GRIN2A: variants seen among roughly 807,000 people sequenced by gnomAD.
The protein encoded by GRIN2A is glutamate ionotropic receptor NMDA type subunit 2A, also known as glutamate receptor ionotropic, NMDA 2A.
GRIN2A carries 22 observed loss-of-function variants against 113.4 expected under a neutral mutation model. The observed-to-expected ratio is 0.19, with a 90% CI of 0.14 to 0.28. GRIN2A has a LOEUF of 0.28. Among genes scored for constraint, GRIN2A ranks in the 10% least tolerant of loss-of-function variants. The pLI, the probability that GRIN2A is intolerant of heterozygous loss-of-function variation, is 1.00. For missense variants in GRIN2A, 1,502 were observed against 1,887.0 expected, an observed-to-expected ratio of 0.80 and a Z score of 3.78; for synonymous variants, 827 against 738.4, an observed-to-expected ratio of 1.12 and a Z score of -1.94.
At chr16:10,083,231 A>C in intron 2 of GRIN2A, among the ~76,000 whole-genome samples, 1 of 152,186 alleles carries the variant, frequency 6.6e-6, no homozygotes, top group African/African-American at 2.4e-5. Context: ...GGGTGTGCAA[A>C]TCTGTGACAG....
At chr16:10,054,676 T>C (rs1003652030) in intron 2 of GRIN2A, among the ~76,000 whole-genome samples, 4 of 152,222 alleles carry the variant, frequency 2.6e-5, no homozygotes, top group Non-Finnish European at 4.4e-5. Flanking sequence ...ATATTTAAAA[T>C]ATAAATAGTT....
intron 2 of GRIN2A, among the ~76,000 whole-genome samples, chr16:10,122,481 G>A (rs2048853874): frequency 6.6e-6 from 1 of 152,066 alleles, no homozygotes; most frequent in Non-Finnish European, 1.5e-5. Context: ...TAATTGCCTG[G>A]AGCACGTGAT....
chr16:9,991,901 G>C (rs538964178), intron 2 of GRIN2A, among the ~76,000 whole-genome samples: 3 of 152,264 alleles, frequency 2.0e-5, no homozygotes, highest in East Asian at 1.9e-4. Flanking sequence ...GGCCTGTCAG[G>C]GGGTAGTGGG....
At chr16:9,899,440 C>CAAAAAAAAA (rs71157791) in intron 3 of GRIN2A, among the ~76,000 whole-genome samples, 1 of 6,202 alleles carries the variant, frequency 1.6e-4, no homozygotes, top group African/African-American at 8.3e-4. Context: ...AACTCCGTCT[C>CAAAAAAAAA]AAAAAAAAAA....
chr16:10,133,860 C>T (rs937089174), intron 2 of GRIN2A, among the ~76,000 whole-genome samples: 6 of 151,996 alleles, frequency 3.9e-5, no homozygotes, highest in Non-Finnish European at 8.8e-5. Flanking sequence ...AAAGAAAAAA[C>T]AAGTTACCAC....
chr16:9,778,829 C>T lies in GRIN2A; in HGVS notation c.2357-9740G>A, dbSNP rs550822040. 9.2e-5 allele frequency among the ~76,000 whole-genome samples: 14 copies of T among 152,368 alleles called. No individual in the cohort carries two copies. In the South Asian group the frequency reaches 1.5e-3, roughly 16 times the overall value. ...GTCCAGTTTATGTCTGCCTGATCAT[C>T]GCTCTGGCACTGGAAGCCCAACCTT... On this transcript the variant is annotated intron_variant, in intron 11 of 12. Transcript: ENST00000330684.
At chr16:10,102,412 G>A (rs368437874) in intron 2 of GRIN2A, among the ~76,000 whole-genome samples, 1 of 152,188 alleles carries the variant, frequency 6.6e-6, no homozygotes, top group African/African-American at 2.4e-5. Flanking sequence ...AGCCTCCTGA[G>A]GCCTCACCAG....
chr16:9,957,601 G>C (rs1313544464), intron 2 of GRIN2A, among the ~76,000 whole-genome samples: 7 of 152,114 alleles, frequency 4.6e-5, no homozygotes. Flanking sequence ...AAACCTAAGA[G>C]GCAGCTTCTA....
intron 2 of GRIN2A, among the ~76,000 whole-genome samples, chr16:9,997,724 G>A (rs2046251308): frequency 6.6e-6 from 1 of 152,210 alleles, no homozygotes; most frequent in Non-Finnish European, 1.5e-5. Context: ...GAGGGACCCA[G>A]TGGGAGGTAA....
intron 2 of GRIN2A, among the ~76,000 whole-genome samples, chr16:9,949,966 T>A (rs1449487620): frequency 6.6e-6 from 1 of 152,066 alleles, no homozygotes; most frequent in African/African-American, 2.4e-5. Flanking sequence ...GAACTGAGTG[T>A]CTGCAGTGTG....
chr16:9,998,753 C>T (rs1036247913), intron 2 of GRIN2A, among the ~76,000 whole-genome samples: 1 of 151,952 alleles, frequency 6.6e-6, no homozygotes, highest in East Asian at 1.9e-4. Flanking sequence ...CTTCTCCCTC[C>T]CTCCTTTTCT....
At chr16:10,121,779 G>C (rs1397170428) in intron 2 of GRIN2A, among the ~76,000 whole-genome samples, 1 of 152,116 alleles carries the variant, frequency 6.6e-6, no homozygotes, top group Non-Finnish European at 1.5e-5. Flanking sequence ...AGAGAAACCT[G>C]TTCTCCCCAG....
At chr16:10,097,375 G>A (rs1360124243) in intron 2 of GRIN2A, among the ~76,000 whole-genome samples, 3 of 152,148 alleles carry the variant, frequency 2.0e-5, no homozygotes, top group Non-Finnish European at 4.4e-5. Flanking sequence ...ATGAGGACCC[G>A]GGCTTCTTCC....
chr16:9,796,153 G>T (rs147099945), intron 11 of GRIN2A, among the ~76,000 whole-genome samples: 1 of 152,210 alleles, frequency 6.6e-6, no homozygotes, highest in African/African-American at 2.4e-5. Flanking sequence ...TAGATGCTTC[G>T]AGAGTGACAC....
At chr16:9,861,760 T>C (rs555653574) in intron 4 of GRIN2A, among the ~76,000 whole-genome samples, 1 of 152,222 alleles carries the variant, frequency 6.6e-6, no homozygotes, top group Non-Finnish European at 1.5e-5. Flanking sequence ...CAAGTTTCTA[T>C]GCAGAAATTA....
At chr16:9,785,273 A>G (rs2141193107) in intron 11 of GRIN2A, among the ~76,000 whole-genome samples, 1 of 152,188 alleles carries the variant, frequency 6.6e-6, no homozygotes, top group East Asian at 1.9e-4. Context: ...AAAATGATGA[A>G]TTCATATCCT....
Position 10,180,134 on chromosome 16 carries a change from G to C in GRIN2A, c.278C>G (p.Ala93Gly), listed in dbSNP as rs753332062. 1 of 1,614,240 alleles carries C rather than the reference G, an allele frequency of 6.2e-7. No individual in the cohort carries two copies. The highest frequency in any genetic ancestry group is 8.5e-7 in the Non-Finnish European group (1 of 1,180,042). ...CCCAAACACGAGGCCGTGGATGCGTGCCCCGGACATGAGGTCGCACACGTG... is the reference window on the plus strand; with the variant it reads ...CCCAAACACGAGGCCGTGGATGCGTCCCCCGGACATGAGGTCGCACACGTG... ...ITHVCDLMSG[A>G]RIHGLVFGDD... Residue 93 changes from alanine to glycine, a missense_variant, in exon 2 of 13, where the codon GCA becomes GGA. This residue lies in a region of GRIN2A where 149 missense variants were observed against 179.1 expected (regional missense o/e 0.83). Transcript: ENST00000330684. This position sits in a 1 kb window ranked among gnomAD's most constrained non-coding sequence, Gnocchi z 7.0.
At chr16:9,956,540 T>C (rs1168671959) in intron 2 of GRIN2A, among the ~76,000 whole-genome samples, 1 of 152,336 alleles carries the variant, frequency 6.6e-6, no homozygotes, top group African/African-American at 2.4e-5. Context: ...TCATTTAACC[T>C]ATTATTTATT....
intron 2 of GRIN2A, among the ~76,000 whole-genome samples, chr16:10,090,605 A>T (rs117518100): frequency 6.6e-6 from 1 of 152,188 alleles, no homozygotes; most frequent in Non-Finnish European, 1.5e-5. Flanking sequence ...AGAGAAAACC[A>T]TCATGTCCTT....
Sources: gnomAD v4.1 joint callset for allele counts (sites outside exome capture counted in the v4.1 genomes callset) on GRCh38, gnomAD v4.1.1 for gene constraint, gnomAD v4.1.1 regional missense constraint, Gnocchi (gnomAD v3.1) non-coding constraint, MANE v1.5 for transcripts, NCBI Gene and HGNC (gene_info 2026-07-23, HGNC 2026-07-21) for gene names.